The following RCC2 variants were observed in gnomAD, a reference collection of about 807,000 sequenced individuals.
RCC2 encodes the protein protein RCC2.
In RCC2, 19 loss-of-function variants were observed where a neutral mutation model predicts 64.1. The observed-to-expected ratio is 0.30, with a 90% confidence interval of 0.21 to 0.44. The LOEUF (loss-of-function observed/expected upper bound fraction) is 0.44, where lower values mean the gene tolerates loss of function less well. Among genes scored for constraint, RCC2 ranks in the 20% least tolerant of loss-of-function variants. The pLI is 1.00. For synonymous variants in RCC2, 325 were observed against 279.6 expected (o/e 1.16, Z -1.62); for missense variants, 508 against 710.4 (o/e 0.72, Z 3.24).
intron 2 of RCC2, 49 bp downstream of exon 2, chr1:17,438,181 C>A (rs766997425): frequency 8.7e-7 from 1 of 1,148,262 alleles, no homozygotes; most frequent in Non-Finnish European, 1.1e-6. Context: ...GTCGCTGAGC[C>A]CGCCGGCCCC....
chr1:17,429,472 C>T (rs1165872868), intron 2 of RCC2, among the ~76,000 whole-genome samples: 1 of 151,762 alleles, frequency 6.6e-6, no homozygotes, highest in African/African-American at 2.4e-5. Context: ...TTGCAAAACA[C>T]TAAAAAAAAA....
chr1:17,429,178 T>G lies in RCC2; in HGVS notation c.307A>C (p.Lys103Gln). 1 of 1,614,196 alleles carries G rather than the reference T, an allele frequency of 6.2e-7. No homozygotes were observed. The highest frequency in any genetic ancestry group is 1.1e-5 in the South Asian group (1 of 91,084). ...GCCCCAAAAATCAAAAGCTGCCCTTTGCACTTTGACCCTTCAAGTTTCTGC... is the reference window on the plus strand; with the variant it reads ...GCCCCAAAAATCAAAAGCTGCCCTTGGCACTTTGACCCTTCAAGTTTCTGC... ...ERVKLEGSKCKGQLLIFGATN... is the reference protein window; with the variant it reads ...ERVKLEGSKCQGQLLIFGATN... The change falls in exon 3 of 13, where the codon AAA (lysine) becomes CAA (glutamine). Residue 103 changes from lysine to glutamine, a missense_variant. By Grantham distance (53) the Lys-to-Gln change is moderately conservative. Around this residue, in one of 4 missense-constraint regions of RCC2, gnomAD observed 195 missense variants for 158.3 expected, o/e 1.23. Transcript: ENST00000375436.
intron 3 of RCC2, among the ~76,000 whole-genome samples, chr1:17,426,115 C>T (rs911083369): frequency 6.6e-6 from 1 of 152,136 alleles, no homozygotes; most frequent in East Asian, 1.9e-4. Flanking sequence ...CCAGGAAACC[C>T]CGCTCACCCT....
intron 2 of RCC2, among the ~76,000 whole-genome samples, chr1:17,436,216 A>G (rs1446655236): frequency 6.6e-6 from 1 of 152,246 alleles, no homozygotes; most frequent in African/African-American, 2.4e-5. Flanking sequence ...ACTTACAAAC[A>G]TGCAACCCAA....
chr1:17,412,950 T>C, intron 10 of RCC2, 123 bp downstream of exon 10: 1 of 692,116 alleles, frequency 1.4e-6, no homozygotes, highest in Non-Finnish European at 2.5e-6. Context: ...TCAGATGGCC[T>C]GCTGAGGACA....
intron 10 of RCC2, among the ~76,000 whole-genome samples, chr1:17,412,570 C>G (rs977127802): frequency 7.9e-5 from 12 of 152,184 alleles, no homozygotes; most frequent in African/African-American, 2.9e-4. Flanking sequence ...GGGCTAGAGC[C>G]TTCAACAGAT....
intron 8 of RCC2, 24 bp downstream of exon 8, chr1:17,416,456 G>C (rs371808712): frequency 1.9e-6 from 3 of 1,595,668 alleles, no homozygotes; most frequent in African/African-American, 1.3e-5. Context: ...CGACTCTCAG[G>C]AAGTGAGAAA....
rs2075374682 is a variant in RCC2 at position 17,407,485 on chromosome 1, CAG to C, written c.*1603_*1604del. On this transcript the variant is annotated 3_prime_UTR_variant, in exon 13 of 13. Transcript: ENST00000375436. Reference sequence around the variant, plus strand: ...TCTCCCCTGGACTACTGATTGAACACAGAACAAGAGATGCGCGTGGCGTCAGA... The same window carrying C: ...TCTCCCCTGGACTACTGATTGAACACAACAAGAGATGCGCGTGGCGTCAGA... 1 of 152,364 alleles carries C rather than the reference CAG, an allele frequency of 6.6e-6. No individual in the cohort carries two copies. Among genetic ancestry groups the C allele is most frequent in the African/African-American group, 2.4e-5 (1 of 41,448 alleles). The allele number at this position is 152,364 out of a possible 1,614,324, so 9.4% of individuals were successfully genotyped here. A position where few individuals can be genotyped will look rare whatever the true frequency, so the allele number is the denominator to read the frequency against.
At chr1:17,432,749 T>C (rs2489611) in intron 2 of RCC2, among the ~76,000 whole-genome samples, 99,945 of 152,106 alleles carry the variant, frequency 0.66, 33,039 homozygotes, top group African/African-American at 0.72. Flanking sequence ...TGAAGACTGA[T>C]CCATCAAGCT....
At chr1:17,433,006 A>G (rs571839230) in intron 2 of RCC2, among the ~76,000 whole-genome samples, 2 of 152,020 alleles carry the variant, frequency 1.3e-5, no homozygotes, top group African/African-American at 4.8e-5. Context: ...ATATACACTC[A>G]CACACACATA....
chr1:17,414,542 C>A lies in RCC2; in HGVS notation c.1027-825G>T, dbSNP rs958561544. 6.3e-4 allele frequency among the ~76,000 whole-genome samples: 71 copies of A among 112,860 alleles called. 2 individuals carry two copies. The highest frequency in any genetic ancestry group is 5.0e-3 in the South Asian group (17 of 3,392). 74.0% of individuals were successfully genotyped at this position (112,860 alleles called of 152,430 possible). ...GAGACTCCATCTCAAAAAAAAAAAA[C>A]AAAACGAAACAAAAAAAAAAACACA... is the stretch of plus-strand genomic sequence containing the variant. On this transcript the variant is annotated intron_variant, in intron 8 of 12. Coordinates refer to ENST00000375436, the MANE Select transcript of RCC2 (RefSeq NM_018715.4).
intron 2 of RCC2, among the ~76,000 whole-genome samples, chr1:17,431,816 G>A (rs933718900): frequency 6.6e-6 from 1 of 152,052 alleles, no homozygotes; most frequent in Non-Finnish European, 1.5e-5. Context: ...GGGGAAGTGA[G>A]GCCAGCCGCG....
chr1:17,427,041 G>A lies in RCC2; in HGVS notation c.380-1357C>T, dbSNP rs970778690. ...CTTCCAAACTGCTGGGATTACAGGC[G>A]TGAGCCACCATGCCCAGCAATCTTA... On this transcript the variant is annotated intron_variant, in intron 3 of 12. Transcript: ENST00000375436. Among the ~76,000 whole-genome samples the A allele has an allele frequency of 2.6e-5, 4 of 152,144 alleles. No homozygotes were observed. In the South Asian group the frequency reaches 6.2e-4, roughly 24 times the overall value.
intron 5 of RCC2, 117 bp from the exon 6 acceptor site, chr1:17,422,408 T>C (rs190918487): frequency 1.1e-6 from 1 of 946,490 alleles, no homozygotes; most frequent in Non-Finnish European, 1.6e-6. Context: ...AGAAGGCAAG[T>C]GAGACTGCCC....
chr1:17,424,335 G>A lies in RCC2; in HGVS notation c.523+1206C>T, dbSNP rs189006528. 1.7e-3 allele frequency among the ~76,000 whole-genome samples: 255 copies of A among 152,320 alleles called. 1 individual carries two copies. Among genetic ancestry groups the A allele is most frequent in the Non-Finnish European group, 2.9e-3 (196 of 68,020 alleles). ...TGCCCACAGGGTCAGAACTGAGGGC[G>A]CTTTCAGAGCCACCACGCAAGTGAA... On this transcript the variant is annotated intron_variant, in intron 4 of 12. Transcript: ENST00000375436.
chr1:17,411,813 G>C (rs1447701720), intron 11 of RCC2, among the ~76,000 whole-genome samples: 1 of 152,100 alleles, frequency 6.6e-6, no homozygotes, highest in African/African-American at 2.4e-5. Flanking sequence ...AGGGGAGAGG[G>C]AACAAACAGG....
rs191993534 is a variant in RCC2 at position 17,432,634 on chromosome 1, G to A, written c.286-3435C>T. Among the ~76,000 whole-genome samples the A allele has an allele frequency of 7.7e-4, 118 of 152,378 alleles. 1 individual carries two copies. Among genetic ancestry groups the A allele is most frequent in the African/African-American group, 2.7e-3 (113 of 41,592 alleles). On this transcript the variant is annotated intron_variant, in intron 2 of 12. Coordinates refer to ENST00000375436, the MANE Select transcript of RCC2 (RefSeq NM_018715.4). ...GAAGCCTCAGCTCCATCAGGCCAGA[G>A]GGCATGGTTCAGGGGCAAGTTCAGA...
rs72906431 is a variant in RCC2, at chr1:17,409,202, G to T, written c.1465-8C>A. 1.5e-3 allele frequency: 2,371 copies of T among 1,590,728 alleles called. 24 individuals are homozygous for T. The African/African-American group carries it at 0.028, about 19-fold the overall frequency. ...TGAGTAGCCCATGGCGACCTGGGGG[G>T]ACAAATCAGCGTTGGGTGTGCCTGA... On this transcript the variant is annotated splice_polypyrimidine_tract_variant and splice_region_variant and intron_variant, in intron 12 of 12. Coordinates refer to ENST00000375436, the MANE Select transcript of RCC2 (RefSeq NM_018715.4).
At chr1:17,419,645 C>A (rs1265187010) in intron 7 of RCC2, among the ~76,000 whole-genome samples, 1 of 152,228 alleles carries the variant, frequency 6.6e-6, no homozygotes, top group Non-Finnish European at 1.5e-5. Flanking sequence ...CTGGCACACA[C>A]AGTCACTGCT....
Sources: gnomAD v4.1 joint callset for allele counts (sites outside exome capture counted in the v4.1 genomes callset) on GRCh38, gnomAD v4.1.1 for gene constraint, gnomAD v4.1.1 regional missense constraint, MANE v1.5 for transcripts, NCBI Gene and HGNC (gene_info 2026-07-23, HGNC 2026-07-21) for gene names.